Variants in WWOX observed in about 807,000 individuals in gnomAD.
The protein encoded by WWOX is WW domain containing oxidoreductase.
WWOX carries 69 observed loss-of-function variants against 46.2 expected under a neutral mutation model. The observed-to-expected ratio is 1.49, with a 90% CI of 1.23 to 1.82. The LOEUF (loss-of-function observed/expected upper bound fraction) is 1.82. WWOX is among the 40% of genes most tolerant of loss of function. The probability of loss-of-function intolerance (pLI) is 0.00; values close to 1 mark genes in which losing one functional copy is unlikely to be tolerated. For missense variants in WWOX, 919 were observed against 542.6 expected (o/e 1.69, Z -6.89); for synonymous variants, 359 against 202.6 (o/e 1.77, Z -6.56).
At chr16:78,889,860 A>G (rs900720301) in intron 8 of WWOX, among the ~76,000 whole-genome samples, 5 of 152,200 alleles carry the variant, frequency 3.3e-5, no homozygotes, top group Non-Finnish European at 7.3e-5. Flanking sequence ...ATCTGGAGAA[A>G]GTCCATAGTT....
At chr16:78,831,122 G>C (rs1176663467) in intron 8 of WWOX, among the ~76,000 whole-genome samples, 2 of 152,156 alleles carry the variant, frequency 1.3e-5, no homozygotes, top group African/African-American at 4.8e-5. Flanking sequence ...TCACAGCCTG[G>C]CTGGTGGAGG....
intron 8 of WWOX, chr16:79,204,938 C>G (rs2051459330): frequency 6.6e-6 from 1 of 152,210 alleles, no homozygotes. Flanking sequence ...TCGAGTCCAC[C>G]TCTTAAAACT....
At chr16:78,906,974 G>T (rs1248465489) in intron 8 of WWOX, among the ~76,000 whole-genome samples, 4 of 152,160 alleles carry the variant, frequency 2.6e-5, no homozygotes, top group Non-Finnish European at 5.9e-5. Context: ...CGCCCAATGG[G>T]TTCATTCTGC....
intron 8 of WWOX, among the ~76,000 whole-genome samples, chr16:79,107,569 G>A (rs539417720): frequency 3.9e-5 from 6 of 152,198 alleles, no homozygotes; most frequent in Non-Finnish European, 8.8e-5. Context: ...AGACCAGCCT[G>A]ACTTAGCAGC....
chr16:78,703,535 C>T (rs571303304), intron 8 of WWOX, among the ~76,000 whole-genome samples: 3 of 152,096 alleles, frequency 2.0e-5, no homozygotes, highest in African/African-American at 7.2e-5. Flanking sequence ...AGGAGGATCC[C>T]TTGAGTCCAG....
At chr16:78,706,858 C>A (rs755968475) in intron 8 of WWOX, among the ~76,000 whole-genome samples, 1 of 152,008 alleles carries the variant, frequency 6.6e-6, no homozygotes, top group African/African-American at 2.4e-5. Context: ...GTGTAATTGA[C>A]GCAATCCTGG....
At chr16:79,021,696 A>G (rs2047537051) in intron 8 of WWOX, among the ~76,000 whole-genome samples, 1 of 152,230 alleles carries the variant, frequency 6.6e-6, no homozygotes, top group Non-Finnish European at 1.5e-5. Context: ...TGCCTAAATG[A>G]CAGTAATGCT....
chr16:78,500,117 A>G (rs183068215), intron 8 of WWOX, among the ~76,000 whole-genome samples: 1 of 152,214 alleles, frequency 6.6e-6, no homozygotes. Context: ...TTGGTGTGCC[A>G]TTCTAATGCA....
intron 8 of WWOX, among the ~76,000 whole-genome samples, chr16:78,534,803 G>A (rs551740138): frequency 1.3e-5 from 2 of 151,844 alleles, no homozygotes; most frequent in African/African-American, 2.4e-5. Context: ...TCCACCTCCC[G>A]GGTTCAAGCG....
chr16:79,102,161 G>A (rs533552940), intron 8 of WWOX, among the ~76,000 whole-genome samples: 2 of 152,040 alleles, frequency 1.3e-5, no homozygotes, highest in South Asian at 4.2e-4. Context: ...AGTTTTTGAG[G>A]AATCAGTGAG....
intron 8 of WWOX, chr16:78,551,721 C>T (rs1283861682): frequency 6.6e-6 from 1 of 152,064 alleles, no homozygotes; most frequent in Non-Finnish European, 1.5e-5. Flanking sequence ...CCCAGCCTCC[C>T]ATGAAGCATC....
At chr16:78,904,566 A>C (rs543198598) in intron 8 of WWOX, among the ~76,000 whole-genome samples, 5 of 152,144 alleles carry the variant, frequency 3.3e-5, no homozygotes, top group South Asian at 2.1e-4. Context: ...GGGCATGGTC[A>C]CTGGAAATGT....
intron 8 of WWOX, among the ~76,000 whole-genome samples, chr16:78,965,485 A>C (rs1033139397): frequency 2.6e-5 from 4 of 151,672 alleles, no homozygotes. Context: ...CAGGAGAATC[A>C]CTTGAACCCG....
chr16:78,843,574 CA>C (rs1447749952), intron 8 of WWOX, among the ~76,000 whole-genome samples: 2 of 140,324 alleles, frequency 1.4e-5, no homozygotes, highest in African/African-American at 2.5e-5. Flanking sequence ...TTGGCCAGAG[CA>C]GGGGTCCGGT....
chr16:78,916,409 G>C (rs1377696268), intron 8 of WWOX, among the ~76,000 whole-genome samples: 1 of 152,176 alleles, frequency 6.6e-6, no homozygotes, highest in Non-Finnish European at 1.5e-5. Context: ...GGGAAGACTG[G>C]CAAGATGAGA....
intron 8 of WWOX, among the ~76,000 whole-genome samples, chr16:78,601,441 GAAA>G (rs58096899): frequency 7.6e-5 from 11 of 144,046 alleles, no homozygotes; most frequent in African/African-American, 1.5e-4. Context: ...CCAGCAGAGA[GAAA>G]AAAAAAAAAG....
At chr16:79,111,899 T>A (rs934370070) in intron 8 of WWOX, among the ~76,000 whole-genome samples, 1 of 152,050 alleles carries the variant, frequency 6.6e-6, no homozygotes, top group Admixed American at 6.6e-5. Context: ...GCTTTGAGGG[T>A]AATAAACTCA....
chr16:78,566,184 G>T (rs879663631), intron 8 of WWOX, among the ~76,000 whole-genome samples: 15 of 151,988 alleles, frequency 9.9e-5, no homozygotes, highest in African/African-American at 2.9e-4. Context: ...TAATCCCATC[G>T]TACCCCGTCC....
intron 8 of WWOX, among the ~76,000 whole-genome samples, chr16:78,544,816 A>C (rs1243159580): frequency 1.3e-5 from 2 of 152,158 alleles, no homozygotes; most frequent in Non-Finnish European, 2.9e-5. Context: ...TCAAGGCTGC[A>C]GTGAGCTGTG....
Sources: gnomAD v4.1 joint callset for allele counts (sites outside exome capture counted in the v4.1 genomes callset) on GRCh38, gnomAD v4.1.1 for gene constraint, MANE v1.5 for transcripts, NCBI Gene and HGNC (gene_info 2026-07-23, HGNC 2026-07-21) for gene names.